Variants in SPRR2G observed in about 807,000 individuals in gnomAD.
SPRR2G encodes the protein small proline-rich protein 2G.
Under a neutral mutation model 0.7 loss-of-function variants are expected in SPRR2G, and 1 was observed. That is an observed-to-expected ratio of 1.49 (90% CI 0.53 to 7.06). The LOEUF (loss-of-function observed/expected upper bound fraction) is 7.06. SPRR2G is among the 30% of genes most tolerant of loss of function. The pLI is 0.14. For synonymous variants in SPRR2G, 38 were observed against 33.9 expected (o/e 1.12, Z -0.42); for missense variants, 96 against 88.5 (o/e 1.09, Z -0.34).
the SPRR2G span, among the ~76,000 whole-genome samples, chr1:153,179,936 T>C: frequency 5.9e-5 from 9 of 152,180 alleles, no homozygotes. Flanking sequence ...CTTGCCATTG[T>C]ATCTAGAGAA....
the SPRR2G span, among the ~76,000 whole-genome samples, chr1:153,177,868 C>CAAA: frequency 4.2e-3 from 598 of 142,202 alleles, 9 homozygotes; most frequent in African/African-American, 0.014. Context: ...TTAAGTCCTC[C>CAAA]AAAAAAAAAA....
At chr1:153,189,180 AT>A in the SPRR2G span, among the ~76,000 whole-genome samples, 1 of 152,124 alleles carries the variant, frequency 6.6e-6, no homozygotes, top group Non-Finnish European at 1.5e-5. Flanking sequence ...TACATTTGAA[AT>A]TTTTATATTG....
the SPRR2G span, among the ~76,000 whole-genome samples, chr1:153,158,744 C>G: frequency 6.6e-6 from 1 of 152,210 alleles, no homozygotes; most frequent in African/African-American, 2.4e-5. Context: ...AGACTTCTGC[C>G]TGGACACTCA....
At chr1:153,184,588 T>A in the SPRR2G span, among the ~76,000 whole-genome samples, 2 of 152,206 alleles carry the variant, frequency 1.3e-5, no homozygotes, top group Non-Finnish European at 2.9e-5. Flanking sequence ...GCTTATCAGC[T>A]TAAGGAGTTT....
the SPRR2G span, among the ~76,000 whole-genome samples, chr1:153,195,093 A>G: frequency 6.6e-6 from 1 of 152,128 alleles, no homozygotes; most frequent in East Asian, 1.9e-4. Flanking sequence ...TGGGTCCCCA[A>G]GCCCTGCTCT....
chr1:153,181,418 G>T, the SPRR2G span, among the ~76,000 whole-genome samples: 28 of 152,146 alleles, frequency 1.8e-4, no homozygotes, highest in South Asian at 5.6e-3. Flanking sequence ...GTACATTTCA[G>T]TTCCTCACTT....
At chr1:153,164,231 C>T in the SPRR2G span, among the ~76,000 whole-genome samples, 6 of 152,058 alleles carry the variant, frequency 3.9e-5, no homozygotes, top group East Asian at 9.6e-4. Context: ...ATCTAAGTGC[C>T]CTTGGGCATG....
chr1:153,176,651 G>A, the SPRR2G span: 1 of 152,150 alleles, frequency 6.6e-6, no homozygotes, highest in Non-Finnish European at 1.5e-5. Flanking sequence ...GTATGGGTGT[G>A]ACAAAGTCTA....
the SPRR2G span, among the ~76,000 whole-genome samples, chr1:153,188,835 G>A: frequency 2.6e-4 from 40 of 152,294 alleles, no homozygotes; most frequent in Middle Eastern, 3.4e-3. Context: ...TGGTCTGTGG[G>A]TTGCCAAAAC....
the SPRR2G span, among the ~76,000 whole-genome samples, chr1:153,181,795 TATA>T: frequency 6.6e-6 from 1 of 151,830 alleles, no homozygotes; most frequent in Non-Finnish European, 1.5e-5. Context: ...TATATATATA[TATA>T]ATATTTTCTT....
At chr1:153,200,428 A>G in the SPRR2G span, among the ~76,000 whole-genome samples, 1 of 152,214 alleles carries the variant, frequency 6.6e-6, no homozygotes, top group African/African-American at 2.4e-5. Context: ...AAAAAACGAT[A>G]GCTAATATGA....
At chr1:153,156,196 GA>G in the SPRR2G span, among the ~76,000 whole-genome samples, 1 of 152,106 alleles carries the variant, frequency 6.6e-6, no homozygotes, top group South Asian at 2.1e-4. Context: ...TCTGTGACTA[GA>G]AAAAAATAAC....
At chr1:153,202,590 C>T in the SPRR2G span, among the ~76,000 whole-genome samples, 1 of 152,156 alleles carries the variant, frequency 6.6e-6, no homozygotes, top group Non-Finnish European at 1.5e-5. Context: ...CTAATGAGGT[C>T]TTTCTCATGG....
At chr1:153,159,634 C>T in the SPRR2G span, among the ~76,000 whole-genome samples, 3 of 152,172 alleles carry the variant, frequency 2.0e-5, no homozygotes, top group Non-Finnish European at 4.4e-5. Context: ...TATAAAGATA[C>T]TACCTGAAAC....
At chr1:153,166,261 A>G in the SPRR2G span, among the ~76,000 whole-genome samples, 1 of 152,160 alleles carries the variant, frequency 6.6e-6, no homozygotes, top group Non-Finnish European at 1.5e-5. Context: ...CCTGCCTTGT[A>G]CCAAGGAGGG....
the SPRR2G span, among the ~76,000 whole-genome samples, chr1:153,163,573 G>C: frequency 6.6e-6 from 1 of 152,090 alleles, no homozygotes; most frequent in Non-Finnish European, 1.5e-5. Context: ...AAGTTTCAAA[G>C]CAAGAGGGGT....
At chr1:153,157,971 G>A in the SPRR2G span, among the ~76,000 whole-genome samples, 1 of 152,100 alleles carries the variant, frequency 6.6e-6, no homozygotes, top group African/African-American at 2.4e-5. Flanking sequence ...GATCTCATGA[G>A]ACGGCCCCAT....
the SPRR2G span, among the ~76,000 whole-genome samples, chr1:153,163,651 A>C: frequency 6.6e-6 from 1 of 152,128 alleles, no homozygotes; most frequent in African/African-American, 2.4e-5. Flanking sequence ...TTCTGTTCTC[A>C]GCTCAGTCCT....
chr1:153,160,405 A>T, the SPRR2G span, among the ~76,000 whole-genome samples: 2 of 152,230 alleles, frequency 1.3e-5, no homozygotes, highest in Non-Finnish European at 2.9e-5. Context: ...CTTGATTTCC[A>T]TTATTTTAGA....
Sources: allele counts gnomAD v4.1 joint callset (sites outside exome capture counted in the v4.1 genomes callset), GRCh38; gene constraint gnomAD v4.1.1; transcripts MANE v1.5; gene names NCBI Gene and HGNC (gene_info 2026-07-23, HGNC 2026-07-21).